Variants in TMEM71 observed in about 807,000 individuals in gnomAD.
The protein encoded by TMEM71 is transmembrane protein 71.
In TMEM71, 44 loss-of-function variants were observed where a neutral mutation model predicts 38.0. That is an observed-to-expected ratio of 1.16 (90% CI 0.91 to 1.49). The LOEUF is 1.49. Ranked by LOEUF, TMEM71 falls within the 40% of genes most tolerant of loss-of-function variation. The pLI is 0.00. For missense variants in TMEM71, 367 were observed against 348.6 expected, an observed-to-expected ratio of 1.05 and a Z score of -0.42; for synonymous variants, 133 against 122.5, an observed-to-expected ratio of 1.09 and a Z score of -0.56.
intron 7 of TMEM71, among the ~76,000 whole-genome samples, chr8:132,721,290 A>G (rs920389849): frequency 1.4e-4 from 22 of 152,182 alleles, no homozygotes; most frequent in Admixed American, 3.3e-4. Context: ...TAGAGAACAA[A>G]CATACCTATA....
intron 6 of TMEM71, among the ~76,000 whole-genome samples, chr8:132,727,428 T>G (rs999518933): frequency 1.3e-5 from 2 of 152,010 alleles, no homozygotes; most frequent in African/African-American, 4.8e-5. Context: ...AGCTAATTTT[T>G]TGTATTTTTA....
intron 7 of TMEM71, among the ~76,000 whole-genome samples, chr8:132,719,896 C>T (rs1486112875): frequency 6.6e-6 from 1 of 152,118 alleles, no homozygotes; most frequent in Non-Finnish European, 1.5e-5. Flanking sequence ...TTCCAGGATC[C>T]CATCCAGGTC....
At chr8:132,732,906 C>A (rs530561022) in intron 5 of TMEM71, among the ~76,000 whole-genome samples, 2 of 152,062 alleles carry the variant, frequency 1.3e-5, no homozygotes, top group African/African-American at 4.8e-5. Flanking sequence ...TACCTGCCCA[C>A]GATACTGTGA....
the TMEM71 span, among the ~76,000 whole-genome samples, chr8:132,770,792 A>G: frequency 6.6e-6 from 1 of 152,228 alleles, no homozygotes; most frequent in Non-Finnish European, 1.5e-5. Flanking sequence ...TCATGTACGT[A>G]TGAATTGTTT....
chr8:132,744,713 A>G (rs1365713490), intron 5 of TMEM71, among the ~76,000 whole-genome samples: 1 of 152,216 alleles, frequency 6.6e-6, no homozygotes, highest in Non-Finnish European at 1.5e-5. Context: ...AAAGAATTTG[A>G]ATAGCCAAAG....
downstream of TMEM71, among the ~76,000 whole-genome samples, chr8:132,707,674 C>T (rs1483010280): frequency 1.3e-5 from 2 of 152,156 alleles, no homozygotes; most frequent in Admixed American, 6.5e-5. Flanking sequence ...CTGGGTTTCA[C>T]AGCTGCCAGA....
At chr8:132,737,211 A>G (rs777428036) in intron 5 of TMEM71, among the ~76,000 whole-genome samples, 3 of 152,214 alleles carry the variant, frequency 2.0e-5, no homozygotes, top group Non-Finnish European at 4.4e-5. Flanking sequence ...TATACTAAAA[A>G]ATCGCTGAAT....
chr8:132,761,540 C>T (rs2739029), upstream of TMEM71, among the ~76,000 whole-genome samples: 39,811 of 152,160 alleles, frequency 0.26, 5,937 homozygotes, highest in South Asian at 0.44. Flanking sequence ...CCCTTTCCCC[C>T]TGAGGTTCTG....
chr8:132,725,980 C>A (rs1211880603), intron 6 of TMEM71, among the ~76,000 whole-genome samples: 1 of 152,198 alleles, frequency 6.6e-6, no homozygotes, highest in Non-Finnish European at 1.5e-5. Context: ...AGGTAGCACA[C>A]TTATTAATTG....
chr8:132,750,956 C>T (rs1828675347), intron 4 of TMEM71, among the ~76,000 whole-genome samples: 3 of 152,160 alleles, frequency 2.0e-5, no homozygotes, highest in Admixed American at 2.0e-4. Context: ...TTCATCATTG[C>T]TATCACAACT....
chr8:132,747,258 T>A, intron 4 of TMEM71, 144 bp from the exon 5 acceptor site: 1 of 735,092 alleles, frequency 1.4e-6, no homozygotes, highest in Non-Finnish European at 2.1e-6. Context: ...TTCTACTGTG[T>A]GCCAGGTCCT....
the TMEM71 span, chr8:132,775,519 C>G: frequency 2.7e-5 from 10 of 374,476 alleles, no homozygotes; most frequent in Non-Finnish European, 4.8e-5. Flanking sequence ...CAGCTCGCTC[C>G]GCTCCTGCTC....
chr8:132,739,602 T>G (rs945315077), intron 5 of TMEM71, among the ~76,000 whole-genome samples: 3 of 151,976 alleles, frequency 2.0e-5, no homozygotes, highest in African/African-American at 7.3e-5. Flanking sequence ...TGAGCCACCG[T>G]GTCAGGCCCC....
intron 9 of TMEM71, among the ~76,000 whole-genome samples, chr8:132,713,649 C>A (rs1826353980): frequency 6.6e-6 from 1 of 152,126 alleles, no homozygotes; most frequent in African/African-American, 2.4e-5. Context: ...ATTTCATGGG[C>A]AGTTTGCCAG....
intron 4 of TMEM71, among the ~76,000 whole-genome samples, chr8:132,748,971 A>G (rs1300247176): frequency 1.3e-5 from 2 of 152,262 alleles, no homozygotes; most frequent in African/African-American, 4.8e-5. Flanking sequence ...AATCTACGTC[A>G]TAAGATTCCA....
downstream of TMEM71, among the ~76,000 whole-genome samples, chr8:132,708,188 G>T (rs1167383453): frequency 6.6e-6 from 1 of 152,170 alleles, no homozygotes; most frequent in Non-Finnish European, 1.5e-5. Flanking sequence ...AGGACCTGAA[G>T]AGGATTGAGG....
At chr8:132,774,675 C>T in the TMEM71 span, among the ~76,000 whole-genome samples, 1 of 152,186 alleles carries the variant, frequency 6.6e-6, no homozygotes, top group Admixed American at 6.5e-5. Flanking sequence ...TGGTTTCTCC[C>T]CACAGCAAGG....
At chr8:132,758,795 A>G in intron 2 of TMEM71, 45 bp downstream of exon 2, 2 of 1,563,462 alleles carry the variant, frequency 1.3e-6, no homozygotes, top group African/African-American at 1.4e-5. Flanking sequence ...AAAGGAGTCT[A>G]ATCGTTCAAA....
At chr8:132,745,145 G>A (rs561076305) in intron 5 of TMEM71, among the ~76,000 whole-genome samples, 1 of 152,060 alleles carries the variant, frequency 6.6e-6, no homozygotes, top group Non-Finnish European at 1.5e-5. Flanking sequence ...GTCCTCAAAA[G>A]CAATTGCAAC....
Sources: allele counts gnomAD v4.1 joint callset (sites outside exome capture counted in the v4.1 genomes callset), GRCh38; gene constraint gnomAD v4.1.1; transcripts MANE v1.5; gene names NCBI Gene and HGNC (gene_info 2026-07-23, HGNC 2026-07-21).